Variants in B3GALT1 observed in about 807,000 individuals in gnomAD.
B3GALT1 encodes the protein beta-1,3-galactosyltransferase 1, also known as UDP-Gal:betaGlcNAc beta 1,3-galactosyltransferase, polypeptide 1.
B3GALT1 carries 10 observed loss-of-function variants against 23.2 expected under a neutral mutation model. That is an observed-to-expected ratio of 0.43 (90% CI 0.27 to 0.73). The LOEUF is 0.73. Ranked by LOEUF, B3GALT1 falls within the 30% of genes least tolerant of loss-of-function variation. The probability of loss-of-function intolerance (pLI) is 0.21; values close to 1 mark genes in which losing one functional copy is unlikely to be tolerated. For synonymous variants in B3GALT1, 156 were observed against 141.5 expected (o/e 1.10, Z -0.73); for missense variants, 299 against 405.4 (o/e 0.74, Z 2.25).
At chr2:167,828,170 G>T (rs1204825206) in intron 4 of B3GALT1, among the ~76,000 whole-genome samples, 1 of 152,182 alleles carries the variant, frequency 6.6e-6, no homozygotes, top group Non-Finnish European at 1.5e-5. Flanking sequence ...ATGCTCTACA[G>T]TTGTTAGTCA....
intron 2 of B3GALT1, among the ~76,000 whole-genome samples, chr2:167,572,937 A>T (rs926311223): frequency 6.6e-6 from 1 of 151,730 alleles, no homozygotes; most frequent in Non-Finnish European, 1.5e-5. Flanking sequence ...AGTAAATTAA[A>T]TCCTGCTGCC....
At chr2:167,563,193 G>T (rs1230096123) in intron 2 of B3GALT1, among the ~76,000 whole-genome samples, 1 of 151,196 alleles carries the variant, frequency 6.6e-6, no homozygotes, top group Non-Finnish European at 1.5e-5. Flanking sequence ...TGGTGGCCGG[G>T]CAGAGGGGCT....
Position 167,462,544 on chromosome 2 carries a change from A to T in B3GALT1, c.-510-27633A>T, listed in dbSNP as rs926780163. On this transcript the variant is annotated intron_variant, in intron 1 of 4. Coordinates refer to ENST00000392690, the MANE Select transcript of B3GALT1 (RefSeq NM_020981.4). ...CCATAATCAAATTATTTTTCCCCTA[A>T]AAATTGGCAGCTGTATCCATCTTTA... is the stretch of plus-strand genomic sequence containing the variant. Among the ~76,000 whole-genome samples, 6 of 152,116 alleles carry T rather than the reference A, an allele frequency of 3.9e-5. No homozygotes were observed. In the East Asian group the frequency reaches 1.2e-3, roughly 29 times the overall value.
At chr2:167,839,671 A>G (rs1209092771) in intron 4 of B3GALT1, among the ~76,000 whole-genome samples, 3 of 152,268 alleles carry the variant, frequency 2.0e-5, no homozygotes, top group Admixed American at 6.5e-5. Flanking sequence ...AGAATTGGAA[A>G]AAACTACTTT....
intron 2 of B3GALT1, among the ~76,000 whole-genome samples, chr2:167,595,818 A>G (rs1322911534): frequency 6.6e-6 from 1 of 152,204 alleles, no homozygotes; most frequent in Non-Finnish European, 1.5e-5. Flanking sequence ...TCAAAGACTC[A>G]TGTGAGAGAG....
intron 3 of B3GALT1, among the ~76,000 whole-genome samples, chr2:167,763,854 G>A (rs1280184938): frequency 6.6e-6 from 1 of 152,096 alleles, no homozygotes; most frequent in Non-Finnish European, 1.5e-5. Flanking sequence ...GGAAAACATG[G>A]CCTACAAGCA....
intron 3 of B3GALT1, among the ~76,000 whole-genome samples, chr2:167,665,604 T>G (rs1251307757): frequency 3.3e-5 from 5 of 151,874 alleles, no homozygotes; most frequent in Non-Finnish European, 7.4e-5. Flanking sequence ...GGACTCTTTT[T>G]GGTTGGTAAG....
chr2:167,496,992 C>T (rs1165980668), intron 2 of B3GALT1, among the ~76,000 whole-genome samples: 1 of 152,104 alleles, frequency 6.6e-6, no homozygotes, highest in Non-Finnish European at 1.5e-5. Context: ...CAACATGGCA[C>T]ATGTATACAT....
Position 167,699,107 on chromosome 2 carries a change from T to A in B3GALT1, c.-352+52141T>A, listed in dbSNP as rs1276781249. Among the ~76,000 whole-genome samples, 7 of 152,166 alleles carry A rather than the reference T, an allele frequency of 4.6e-5. No homozygotes were observed. In the East Asian group the frequency reaches 9.6e-4, roughly 21 times the overall value. ...CAGGAGCCAAAAGGGAATTTCTAAC[T>A]TTTTCGGTTACGGGAAAGATACCAC... On this transcript the variant is annotated intron_variant, in intron 3 of 4. Transcript: ENST00000392690.
intron 3 of B3GALT1, among the ~76,000 whole-genome samples, chr2:167,674,911 G>A (rs1253820084): frequency 6.6e-6 from 1 of 152,022 alleles, no homozygotes; most frequent in Admixed American, 6.6e-5. Flanking sequence ...ATACAAAAAG[G>A]CAAAACTGTA....
At chr2:167,338,535 A>G (rs1256764963) in intron 1 of B3GALT1, among the ~76,000 whole-genome samples, 1 of 152,150 alleles carries the variant, frequency 6.6e-6, no homozygotes, top group African/African-American at 2.4e-5. Context: ...GATGATATAA[A>G]TGGCATTACA....
intron 3 of B3GALT1, among the ~76,000 whole-genome samples, chr2:167,745,852 T>C (rs1025882143): frequency 6.6e-6 from 1 of 152,158 alleles, no homozygotes; most frequent in African/African-American, 2.4e-5. Flanking sequence ...CAATTAATTA[T>C]TGAACTTAAA....
intron 1 of B3GALT1, among the ~76,000 whole-genome samples, chr2:167,312,805 G>C (rs1209533099): frequency 1.3e-5 from 2 of 152,052 alleles, no homozygotes; most frequent in Non-Finnish European, 2.9e-5. Flanking sequence ...TTCTTTTCAA[G>C]ATAGCACAAC....
At chr2:167,294,732 C>G (rs1439340910) in intron 1 of B3GALT1, among the ~76,000 whole-genome samples, 1 of 152,194 alleles carries the variant, frequency 6.6e-6, no homozygotes, top group Non-Finnish European at 1.5e-5. Context: ...AGCTCCCTGC[C>G]TGCCAGCTTT....
At chr2:167,702,937 A>C (rs985959439) in intron 3 of B3GALT1, among the ~76,000 whole-genome samples, 1 of 152,208 alleles carries the variant, frequency 6.6e-6, no homozygotes, top group African/African-American at 2.4e-5. Flanking sequence ...ATTCATGTAA[A>C]TTATGTAAGT....
At chr2:167,704,894 A>C (rs921036797) in intron 3 of B3GALT1, among the ~76,000 whole-genome samples, 19 of 152,286 alleles carry the variant, frequency 1.2e-4, no homozygotes, top group African/African-American at 4.6e-4. Context: ...GAAGCTTTTT[A>C]AAAAGCATTG....
chr2:167,388,688 G>T (rs1697969667), intron 1 of B3GALT1, among the ~76,000 whole-genome samples: 1 of 152,164 alleles, frequency 6.6e-6, no homozygotes, highest in Admixed American at 6.5e-5. Context: ...TTGAAAAAAA[G>T]ACTTAATGCT....
intron 2 of B3GALT1, among the ~76,000 whole-genome samples, chr2:167,533,726 T>C (rs185952058): frequency 1.2e-4 from 18 of 152,334 alleles, no homozygotes; most frequent in African/African-American, 4.3e-4. Context: ...CAGATTCCCT[T>C]ACGTTTTACC....
intron 1 of B3GALT1, among the ~76,000 whole-genome samples, chr2:167,479,272 ATAT>A (rs1354360452): frequency 1.3e-5 from 2 of 152,132 alleles, no homozygotes; most frequent in Non-Finnish European, 2.9e-5. Flanking sequence ...ATGTTCAGTA[ATAT>A]TAGCATTTAT....
Sources: allele counts gnomAD v4.1 joint callset (sites outside exome capture counted in the v4.1 genomes callset), GRCh38; gene constraint gnomAD v4.1.1; transcripts MANE v1.5; gene names NCBI Gene and HGNC (gene_info 2026-07-23, HGNC 2026-07-21).